The following EYA1 variants were observed in gnomAD, a reference collection of about 807,000 sequenced individuals.
The protein encoded by EYA1 is protein phosphatase EYA1.
Under a neutral mutation model 82.0 loss-of-function variants are expected in EYA1, and 16 were observed. The observed-to-expected ratio is 0.20, with a 90% CI of 0.13 to 0.30. The LOEUF (loss-of-function observed/expected upper bound fraction) is 0.30, where lower values mean the gene tolerates loss of function less well. EYA1 is among the 10% of genes least tolerant of loss of function. The probability of loss-of-function intolerance (pLI) is 1.00; values close to 1 mark genes in which losing one functional copy is unlikely to be tolerated. For synonymous variants in EYA1, 261 were observed against 264.4 expected, an observed-to-expected ratio of 0.99 and a Z score of 0.12; for missense variants, 633 against 730.7, an observed-to-expected ratio of 0.87 and a Z score of 1.54.
At chr8:71,439,082 G>GA (rs1806215651) in intron 2 of EYA1, among the ~76,000 whole-genome samples, 1 of 152,092 alleles carries the variant, frequency 6.6e-6, no homozygotes, top group Admixed American at 6.5e-5. Context: ...TTGATATGGG[G>GA]GGCCCTATTC....
intron 2 of EYA1, among the ~76,000 whole-genome samples, chr8:71,496,267 C>T (rs10216347): frequency 0.33 from 50,066 of 151,972 alleles, 9,426 homozygotes; most frequent in East Asian, 0.79. Flanking sequence ...TGCATGCTTC[C>T]ATGAGCCTGT....
At chr8:71,354,714 CTAA>C (rs2129069637) in intron 3 of EYA1, 65 bp downstream of exon 3, 1 of 1,499,314 alleles carries the variant, frequency 6.7e-7, no homozygotes, top group African/African-American at 1.4e-5. Context: ...TCATAACCAC[CTAA>C]TAACAAAGCA....
upstream of EYA1, among the ~76,000 whole-genome samples, chr8:71,366,306 T>C (rs903234358): frequency 6.6e-5 from 10 of 152,208 alleles, no homozygotes; most frequent in Admixed American, 5.9e-4. Context: ...TAAAATCAAC[T>C]GATTTTCCAA....
At chr8:71,232,261 A>G in intron 12 of EYA1, among the ~76,000 whole-genome samples, 1 of 152,140 alleles carries the variant, frequency 6.6e-6, no homozygotes. Context: ...CCTGCCTCCT[A>G]CTTCACTAAG....
intron 12 of EYA1, among the ~76,000 whole-genome samples, chr8:71,228,197 G>C (rs1250383830): frequency 6.6e-6 from 1 of 152,122 alleles, no homozygotes; most frequent in African/African-American, 2.4e-5. Context: ...AGAGGACCTT[G>C]GAGGGGCACT....
intron 16 of EYA1, among the ~76,000 whole-genome samples, chr8:71,214,224 C>T (rs1178729632): frequency 1.3e-5 from 2 of 152,120 alleles, no homozygotes; most frequent in East Asian, 3.9e-4. Flanking sequence ...CATTCCTCTC[C>T]TTAGGGTGAT....
intron 12 of EYA1, chr8:71,225,227 C>T (rs1052609628): frequency 5.9e-5 from 27 of 456,172 alleles, no homozygotes; most frequent in Non-Finnish European, 9.7e-5. Context: ...AAATAGACCT[C>T]ATGAAGAGCT....
chr8:71,258,147 C>A (rs903137099), intron 11 of EYA1, among the ~76,000 whole-genome samples: 1 of 152,160 alleles, frequency 6.6e-6, no homozygotes, highest in Non-Finnish European at 1.5e-5. Flanking sequence ...CATCCCCTAC[C>A]AAACAGCCTC....
At chr8:71,282,935 C>T (rs1481919117) in intron 9 of EYA1, among the ~76,000 whole-genome samples, 1 of 115,942 alleles carries the variant, frequency 8.6e-6, no homozygotes, top group African/African-American at 3.0e-5. Context: ...TCAACACCAC[C>T]TTGTTTTTTT....
At position 71,299,115 on chromosome 8, in the gene EYA1, T is replaced by C. The variant is rs960785529; in HGVS notation, c.758A>G (p.Asn253Ser). The change falls in exon 9 of 18, where the codon AAT (asparagine) becomes AGT (serine). Residue 253 changes from asparagine (N) to serine (S), a missense_variant. Coordinates refer to ENST00000340726, the MANE Select transcript of EYA1 (RefSeq NM_000503.6). ...SNTSPTTPSTNATYQLQEPPS... is the reference protein window; with the variant it reads ...SNTSPTTPSTSATYQLQEPPS... The stretch of plus-strand genomic sequence containing the variant: ...CGGTTCTTGAAGCTGGTAAGTGGCA[T>C]TGGTGGATGGTGTCGTTGGGCTGGT... 2.5e-6 allele frequency: 4 copies of C among 1,614,018 alleles called. No homozygotes were observed. Among genetic ancestry groups the C allele is most frequent in the African/African-American group, 2.7e-5 (2 of 74,912 alleles).
chr8:71,438,119 G>A lies in EYA1; in HGVS notation c.34-81608C>T, dbSNP rs148234363. 1.9e-3 allele frequency among the ~76,000 whole-genome samples: 282 copies of A among 152,054 alleles called. 2 individuals carry two copies. The highest frequency in any genetic ancestry group is 6.3e-3 in the African/African-American group (262 of 41,490). ...CTCCCAAATCTCCATGGACTTATAC[G>A]TCCTAGATGAATTCCTTACCATCTT... On this transcript the variant is annotated intron_variant, in intron 2 of 18. Transcript: ENST00000643681.
intron 2 of EYA1, among the ~76,000 whole-genome samples, chr8:71,405,178 T>C (rs1830153309): frequency 6.6e-6 from 1 of 152,126 alleles, no homozygotes; most frequent in African/African-American, 2.4e-5. Flanking sequence ...CACCTGAAAT[T>C]CTACAATTAG....
rs559116598 is a variant in EYA1 at position 71,467,013 on chromosome 8, G to A, written c.33+68731C>T. Among the ~76,000 whole-genome samples the A allele has an allele frequency of 5.9e-5, 9 of 152,026 alleles. No individual in the cohort carries two copies. In the South Asian group the frequency reaches 1.7e-3, roughly 28 times the overall value. On this transcript the variant is annotated intron_variant, in intron 2 of 18. Coordinates refer to the EYA1 transcript ENST00000643681. ...CATCATCAGATGAAACACCAGTTGG[G>A]AATAAAAAGGTACACAGCCATATTC... is the stretch of plus-strand genomic sequence containing the variant.
At chr8:71,228,183 G>A (rs987111290) in intron 12 of EYA1, among the ~76,000 whole-genome samples, 53 of 152,136 alleles carry the variant, frequency 3.5e-4, no homozygotes, top group Admixed American at 3.4e-3. Context: ...CCCTGGCGGC[G>A]AGGAGAGGAC....
At chr8:71,283,888 G>A (rs1052652790) in intron 9 of EYA1, among the ~76,000 whole-genome samples, 2 of 152,152 alleles carry the variant, frequency 1.3e-5, no homozygotes, top group Admixed American at 6.5e-5. Flanking sequence ...GATCTGTTTA[G>A]GGATGTATTA....
intron 6 of EYA1, among the ~76,000 whole-genome samples, chr8:71,321,057 T>C (rs1201905959): frequency 6.6e-6 from 1 of 152,230 alleles, no homozygotes; most frequent in Non-Finnish European, 1.5e-5. Context: ...TTTGAAATTC[T>C]GAAATTTTTT....
chr8:71,418,232 G>A (rs1255188184), intron 2 of EYA1, among the ~76,000 whole-genome samples: 1 of 152,192 alleles, frequency 6.6e-6, no homozygotes, highest in African/African-American at 2.4e-5. Context: ...CCCTGGATAT[G>A]ATGGTATGAT....
intron 2 of EYA1, among the ~76,000 whole-genome samples, chr8:71,515,397 T>C (rs111833806): frequency 3.3e-5 from 5 of 152,212 alleles, no homozygotes; most frequent in African/African-American, 1.2e-4. Flanking sequence ...TAATTTATTA[T>C]TGTATAATAA....
intron 7 of EYA1, among the ~76,000 whole-genome samples, chr8:71,315,317 T>C (rs768916524): frequency 8.5e-5 from 13 of 152,238 alleles, no homozygotes; most frequent in Non-Finnish European, 1.8e-4. Flanking sequence ...TAACTCTCAG[T>C]TTCTGTACTT....
Sources: allele counts gnomAD v4.1 joint callset (sites outside exome capture counted in the v4.1 genomes callset), GRCh38; gene constraint gnomAD v4.1.1; transcripts MANE v1.5; gene names NCBI Gene and HGNC (gene_info 2026-07-23, HGNC 2026-07-21).